Variants in CFAP299 observed in about 807,000 individuals in gnomAD.
CFAP299 encodes the protein cilia- and flagella-associated protein 299.
Under a neutral mutation model 27.0 loss-of-function variants are expected in CFAP299, and 21 were observed. That is an observed-to-expected ratio of 0.78 (90% confidence interval 0.55 to 1.12). The LOEUF is 1.12. Among genes scored for constraint, CFAP299 ranks in the 50% most tolerant of loss-of-function variants. CFAP299 has a pLI of 0.00. For missense variants in CFAP299, 310 were observed against 276.6 expected (o/e 1.12, Z -0.86); for synonymous variants, 104 against 98.1 (o/e 1.06, Z -0.36).
intron 4 of CFAP299, among the ~76,000 whole-genome samples, chr4:80,923,712 G>A (rs1048818679): frequency 6.6e-6 from 1 of 151,766 alleles, no homozygotes. Flanking sequence ...TGCCCTCTAG[G>A]GCTCTTTGTC....
the CFAP299 span, among the ~76,000 whole-genome samples, chr4:80,325,501 T>C: frequency 6.6e-6 from 1 of 152,266 alleles, no homozygotes; most frequent in Non-Finnish European, 1.5e-5. Flanking sequence ...TTTTTGCATT[T>C]GAAAATTAAA....
chr4:80,593,995 C>A (rs1736921255), intron 3 of CFAP299, among the ~76,000 whole-genome samples: 1 of 152,100 alleles, frequency 6.6e-6, no homozygotes. Flanking sequence ...GATTTTCTAG[C>A]TTCTTAAATT....
chr4:80,648,737 A>G (rs545954893), intron 3 of CFAP299, among the ~76,000 whole-genome samples: 5 of 152,280 alleles, frequency 3.3e-5, no homozygotes, highest in Admixed American at 6.6e-5. Flanking sequence ...ATCTTTCACA[A>G]CAGCCTCATT....
chr4:80,800,505 T>TATATAATATATAATATATGATATATTA lies in CFAP299; in HGVS notation c.334-69470_334-69469insGATATATTAATATAATATATAATATAT, dbSNP rs1553893480. ...ATATAATATATAATATATAATATAT[T>TATATAATATATAATATATGATATATTA]ATATAATATATAATATATAATATAT... is the stretch of plus-strand genomic sequence containing the variant. On this transcript the variant is annotated intron_variant, in intron 3 of 5. Transcript: ENST00000358105. 5.3e-4 allele frequency among the ~76,000 whole-genome samples: 2 copies of TATATAATATATAATATATGATATATTA among 3,784 alleles called. 1 individual carries two copies. The highest frequency in any genetic ancestry group is 0.02 in the South Asian group (2 of 102). The allele number at this position is 3,784 out of a possible 152,430, so 2.5% of individuals were successfully genotyped here.
At chr4:80,678,264 T>A (rs1719601947) in intron 3 of CFAP299, among the ~76,000 whole-genome samples, 1 of 152,066 alleles carries the variant, frequency 6.6e-6, no homozygotes, top group Non-Finnish European at 1.5e-5. Context: ...TCTTTTTCTT[T>A]TATGGCAAAG....
intron 3 of CFAP299, among the ~76,000 whole-genome samples, chr4:80,700,718 G>C (rs1721421157): frequency 6.6e-6 from 1 of 151,940 alleles, no homozygotes; most frequent in African/African-American, 2.4e-5. Flanking sequence ...AGAAATTGTA[G>C]AATGAGATGG....
chr4:80,443,891 A>G (rs886192599), intron 2 of CFAP299, among the ~76,000 whole-genome samples: 1 of 152,196 alleles, frequency 6.6e-6, no homozygotes, highest in African/African-American at 2.4e-5. Context: ...CCAGTAATAG[A>G]CAAACAGAGC....
intron 3 of CFAP299, among the ~76,000 whole-genome samples, chr4:80,777,252 A>T (rs907983789): frequency 2.6e-5 from 4 of 152,104 alleles, no homozygotes; most frequent in Non-Finnish European, 5.9e-5. Flanking sequence ...TGATTTTTGC[A>T]TGTGTTCAGA....
At chr4:80,566,401 G>A (rs1424423960) in intron 2 of CFAP299, among the ~76,000 whole-genome samples, 1 of 151,970 alleles carries the variant, frequency 6.6e-6, no homozygotes, top group Middle Eastern at 3.2e-3. Flanking sequence ...AATTCCTGAA[G>A]AATGACAGTC....
At chr4:80,777,897 T>C (rs923787134) in intron 3 of CFAP299, among the ~76,000 whole-genome samples, 4 of 152,178 alleles carry the variant, frequency 2.6e-5, no homozygotes, top group African/African-American at 9.7e-5. Context: ...TGATATGTTT[T>C]GAAGCTGGTC....
At chr4:80,858,275 G>A (rs1732059267) in intron 3 of CFAP299, among the ~76,000 whole-genome samples, 1 of 151,708 alleles carries the variant, frequency 6.6e-6, no homozygotes, top group African/African-American at 2.4e-5. Flanking sequence ...ATTTTTTATT[G>A]TGTCTATTTG....
the CFAP299 span, among the ~76,000 whole-genome samples, chr4:80,322,603 C>T: frequency 6.5e-3 from 992 of 152,180 alleles, 15 homozygotes; most frequent in African/African-American, 0.023. Context: ...GCTTATCAAG[C>T]GCTGTCTGTT....
intron 3 of CFAP299, among the ~76,000 whole-genome samples, chr4:80,799,204 A>C (rs191230518): frequency 9.1e-6 from 1 of 109,798 alleles, no homozygotes; most frequent in Non-Finnish European, 1.8e-5. Context: ...TATAATATTT[A>C]TATATATATT....
At chr4:80,866,745 A>G (rs140361593) in intron 3 of CFAP299, among the ~76,000 whole-genome samples, 171 of 152,314 alleles carry the variant, frequency 1.1e-3, no homozygotes, top group African/African-American at 3.6e-3. Context: ...CACAAAAATC[A>G]CAGAGCAGAC....
chr4:80,454,657 A>G (rs1032269991), intron 2 of CFAP299, among the ~76,000 whole-genome samples: 25 of 152,228 alleles, frequency 1.6e-4, no homozygotes, highest in African/African-American at 5.5e-4. Context: ...AAAAATGCCC[A>G]TAAATGTACA....
chr4:80,452,381 T>C (rs980946902), intron 2 of CFAP299, among the ~76,000 whole-genome samples: 4 of 132,614 alleles, frequency 3.0e-5, no homozygotes, highest in Admixed American at 7.0e-5. Flanking sequence ...TCAAATTAGT[T>C]TTTTTCTGGC....
At chr4:80,912,944 G>A (rs1735553193) in intron 4 of CFAP299, among the ~76,000 whole-genome samples, 1 of 152,104 alleles carries the variant, frequency 6.6e-6, no homozygotes, top group Non-Finnish European at 1.5e-5. Flanking sequence ...AGAGAAGAAA[G>A]AGGGACCAGC....
At chr4:80,449,727 T>C (rs1728807917) in intron 2 of CFAP299, among the ~76,000 whole-genome samples, 1 of 151,880 alleles carries the variant, frequency 6.6e-6, no homozygotes, top group South Asian at 2.1e-4. Flanking sequence ...TATGACTGTT[T>C]TGTATCATTT....
intron 3 of CFAP299, among the ~76,000 whole-genome samples, chr4:80,849,421 C>T (rs560843069): frequency 2.6e-4 from 40 of 152,062 alleles, no homozygotes; most frequent in African/African-American, 8.4e-4. Context: ...ATTCCCAAGA[C>T]GATGGTAAAA....
Sources: gnomAD v4.1 joint callset for allele counts (sites outside exome capture counted in the v4.1 genomes callset) on GRCh38, gnomAD v4.1.1 for gene constraint, MANE v1.5 for transcripts, NCBI Gene and HGNC (gene_info 2026-07-23, HGNC 2026-07-21) for gene names.